Variants in EPHA6 observed in about 807,000 individuals in gnomAD.
EPHA6 encodes EPH receptor A6, also known as ephrin type-A receptor 6.
In EPHA6, 50 loss-of-function variants were observed where a neutral mutation model predicts 112.0. The ratio of observed to expected loss-of-function variants is 0.45; its 90% CI spans 0.36 to 0.56. The LOEUF (loss-of-function observed/expected upper bound fraction) is 0.56, where lower values mean the gene tolerates loss of function less well. EPHA6 is among the 20% of genes least tolerant of loss of function. The pLI is 0.00. For synonymous variants in EPHA6, 529 were observed against 490.7 expected (o/e 1.08, Z -1.03); for missense variants, 1,280 against 1,417.4 (o/e 0.90, Z 1.56).
intron 13 of EPHA6, among the ~76,000 whole-genome samples, chr3:97,634,384 C>T (rs371847961): frequency 4.4e-4 from 66 of 149,190 alleles, no homozygotes; most frequent in African/African-American, 8.1e-4. Flanking sequence ...TTTTTCTTTT[C>T]GTCAAGCCCA....
intron 5 of EPHA6, among the ~76,000 whole-genome samples, chr3:97,395,524 A>G (rs1176956927): frequency 1.3e-5 from 2 of 151,800 alleles, no homozygotes; most frequent in South Asian, 2.1e-4. Context: ...AGAAAGAAAC[A>G]CTGTTGTGTG....
intron 3 of EPHA6, among the ~76,000 whole-genome samples, chr3:97,085,065 A>G (rs899075809): frequency 8.5e-5 from 13 of 152,182 alleles, no homozygotes; most frequent in African/African-American, 2.9e-4. Context: ...ATCACAAGAC[A>G]CATGATTGCT....
intron 3 of EPHA6, among the ~76,000 whole-genome samples, chr3:97,005,248 G>A (rs1043596517): frequency 1.3e-5 from 2 of 152,128 alleles, no homozygotes; most frequent in African/African-American, 2.4e-5. Flanking sequence ...GTATCCATGA[G>A]GATGGAATGT....
At chr3:97,649,027 C>T (rs189486445) in intron 14 of EPHA6, among the ~76,000 whole-genome samples, 33 of 152,226 alleles carry the variant, frequency 2.2e-4, no homozygotes, top group Middle Eastern at 3.4e-3. Context: ...GGGGGTTTGA[C>T]TGCTTTAGGC....
At chr3:97,252,141 G>A (rs2079159754) in intron 5 of EPHA6, among the ~76,000 whole-genome samples, 1 of 152,096 alleles carries the variant, frequency 6.6e-6, no homozygotes, top group Non-Finnish European at 1.5e-5. Context: ...AAAAATATCA[G>A]CCAGACTCAG....
chr3:96,974,702 T>C (rs2042452446), intron 2 of EPHA6, among the ~76,000 whole-genome samples: 1 of 152,118 alleles, frequency 6.6e-6, no homozygotes, highest in Admixed American at 6.6e-5. Context: ...ATCCTTTTTT[T>C]TGGATCAAGG....
chr3:97,451,057 A>G (rs746194461), intron 7 of EPHA6, among the ~76,000 whole-genome samples: 2 of 151,934 alleles, frequency 1.3e-5, no homozygotes, highest in African/African-American at 2.4e-5. Context: ...TAAAGCGCAA[A>G]TAACTTGGTG....
chr3:97,406,271 C>T (rs1231327039), intron 6 of EPHA6, among the ~76,000 whole-genome samples: 1 of 152,032 alleles, frequency 6.6e-6, no homozygotes, highest in Admixed American at 6.6e-5. Flanking sequence ...TTATAATAAA[C>T]AGAAATTTAT....
intron 5 of EPHA6, among the ~76,000 whole-genome samples, chr3:97,403,160 C>A (rs1435536237): frequency 6.6e-6 from 1 of 151,944 alleles, no homozygotes; most frequent in Non-Finnish European, 1.5e-5. Flanking sequence ...TGCTTCATAA[C>A]TTTATATATA....
chr3:96,942,192 G>T (rs1476680592), intron 2 of EPHA6, among the ~76,000 whole-genome samples: 1 of 152,198 alleles, frequency 6.6e-6, no homozygotes, highest in Non-Finnish European at 1.5e-5. Context: ...CTTTTTGTTT[G>T]TCTGTGCCCT....
At chr3:97,144,987 G>T (rs184968572) in intron 3 of EPHA6, among the ~76,000 whole-genome samples, 2 of 151,046 alleles carry the variant, frequency 1.3e-5, no homozygotes, top group South Asian at 4.2e-4. Flanking sequence ...CTATCAATGC[G>T]CTCCTATTTT....
intron 3 of EPHA6, among the ~76,000 whole-genome samples, chr3:97,063,061 C>T (rs953104700): frequency 4.6e-5 from 7 of 151,942 alleles, no homozygotes; most frequent in African/African-American, 1.4e-4. Context: ...CAGATGCTGG[C>T]GAAGTTGTGG....
intron 14 of EPHA6, among the ~76,000 whole-genome samples, chr3:97,714,402 C>T (rs763444757): frequency 1.1e-4 from 16 of 152,088 alleles, no homozygotes; most frequent in Admixed American, 4.6e-4. Flanking sequence ...CAAGTAAAGA[C>T]AGATATTATT....
rs548488465 is a variant in EPHA6, at chr3:97,409,014, C to G, written c.1731+3740C>G. 1.4e-4 allele frequency among the ~76,000 whole-genome samples: 22 copies of G among 152,196 alleles called. 1 individual carries two copies. The highest frequency in any genetic ancestry group is 1.4e-3 in the East Asian group (7 of 5,172). ...ACAGCTATTTCCTTTCAATAACATT[C>G]TAGCTGAATTAGTAAAATTCTCTCT... On this transcript the variant is annotated intron_variant, in intron 6 of 17. Transcript: ENST00000389672.
At chr3:97,636,504 G>GT (rs762515596) in intron 13 of EPHA6, among the ~76,000 whole-genome samples, 7 of 152,010 alleles carry the variant, frequency 4.6e-5, no homozygotes, top group African/African-American at 9.7e-5. Context: ...CTCTAAGAGT[G>GT]TTTTTTTAAG....
chr3:97,023,561 A>G lies in EPHA6; in HGVS notation c.1114+35568A>G, dbSNP rs141569387. Among the ~76,000 whole-genome samples the G allele has an allele frequency of 4.0e-3, 608 of 151,978 alleles. 7 individuals carry two copies. The highest frequency in any genetic ancestry group is 0.014 in the African/African-American group (592 of 41,474). ...CTACTATATATATTTACTTAGTTAT[A>G]TGTTAGATATAATATTAGCAAACAA... On this transcript the variant is annotated intron_variant, in intron 3 of 17. Transcript: ENST00000389672.
At chr3:97,676,546 G>T (rs2031402038) in intron 14 of EPHA6, among the ~76,000 whole-genome samples, 1 of 152,174 alleles carries the variant, frequency 6.6e-6, no homozygotes, top group Non-Finnish European at 1.5e-5. Flanking sequence ...AGTAAGCAGA[G>T]AGATGGAGCA....
intron 3 of EPHA6, among the ~76,000 whole-genome samples, chr3:97,015,770 A>G (rs2044243582): frequency 6.6e-6 from 1 of 152,164 alleles, no homozygotes; most frequent in Non-Finnish European, 1.5e-5. Flanking sequence ...CACATATTTG[A>G]CAAGGCTCCC....
intron 3 of EPHA6, among the ~76,000 whole-genome samples, chr3:97,084,101 GATAT>G (rs141072928): frequency 0.016 from 1,699 of 103,558 alleles, 17 homozygotes; most frequent in Non-Finnish European, 0.019. Context: ...TGTGTGCATG[GATAT>G]ATATATATAT....
Sources: allele counts gnomAD v4.1 joint callset (sites outside exome capture counted in the v4.1 genomes callset), GRCh38; gene constraint gnomAD v4.1.1; transcripts MANE v1.5; gene names NCBI Gene and HGNC (gene_info 2026-07-23, HGNC 2026-07-21).